The following ARHGAP6 variants were observed in gnomAD, a reference collection of about 807,000 sequenced individuals.
ARHGAP6 encodes rho GTPase-activating protein 6.
In ARHGAP6, 16 loss-of-function variants were observed where a neutral mutation model predicts 55.7. That is an observed-to-expected ratio of 0.29 (90% CI 0.19 to 0.44). The LOEUF is 0.44. Ranked by LOEUF, ARHGAP6 falls within the 20% of genes least tolerant of loss-of-function variation. ARHGAP6 has a pLI of 1.00. For missense variants in ARHGAP6, 698 were observed against 808.9 expected (o/e 0.86, Z 1.66); for synonymous variants, 382 against 360.9 (o/e 1.06, Z -0.66).
intron 1 of ARHGAP6, among the ~76,000 whole-genome samples, chrX:11,444,470 C>T (rs746854928): frequency 8.9e-6 from 1 of 112,170 alleles, no homozygotes; most frequent in South Asian, 3.7e-4. Flanking sequence ...AAAAAACTAT[C>T]GATATTGGAG....
intron 1 of ARHGAP6, among the ~76,000 whole-genome samples, chrX:11,400,123 G>T (rs1383999167): frequency 2.7e-5 from 3 of 111,921 alleles, no homozygotes; most frequent in African/African-American, 9.7e-5. Context: ...TTTATGAGGT[G>T]ATCAGGATGT....
At chrX:11,321,633 T>C (rs1394192210) in intron 1 of ARHGAP6, among the ~76,000 whole-genome samples, 1 of 111,649 alleles carries the variant, frequency 9.0e-6, no homozygotes, top group Non-Finnish European at 1.9e-5. Flanking sequence ...TTAAAAGAAG[T>C]TGTAACTGTC....
chrX:11,149,902 T>C lies in ARHGAP6; in HGVS notation c.1908-5654A>G, dbSNP rs547625225. ...TCAGACTAGTACAGATCTTCAACCA[T>C]GCTCTTGATACACTAGTCACCAGTT... is the stretch of plus-strand genomic sequence containing the variant. On this transcript the variant is annotated intron_variant, in intron 10 of 12. Transcript: ENST00000337414. Among the ~76,000 whole-genome samples the C allele has an allele frequency of 2.7e-5, 3 of 112,070 alleles. No individual in the cohort carries two copies. The South Asian group carries it at 1.1e-3, about 42-fold the overall frequency.
At position 11,161,311 on chromosome X, in the gene ARHGAP6, A is replaced by G. The variant is rs765563861; in HGVS notation, c.1810-4685T>C. Reference sequence around the variant, plus strand: ...AATTTAGGTACTTAATGGAGAAATAAAAGTCAAGTAAATAAACTGATAGGA... The same window carrying G: ...AATTTAGGTACTTAATGGAGAAATAGAAGTCAAGTAAATAAACTGATAGGA... On this transcript the variant is annotated intron_variant, in intron 9 of 12. Coordinates refer to ENST00000337414, the MANE Select transcript of ARHGAP6 (RefSeq NM_013427.3). Among the ~76,000 whole-genome samples, 452 of 112,343 alleles carry G rather than the reference A, an allele frequency of 4.0e-3. 5 individuals are homozygous for G. Among genetic ancestry groups the G allele is most frequent in the African/African-American group, 0.014 (432 of 30,927 alleles).
At chrX:11,280,109 G>A (rs778373990) in intron 1 of ARHGAP6, among the ~76,000 whole-genome samples, 16 of 111,754 alleles carry the variant, frequency 1.4e-4, no homozygotes, top group African/African-American at 5.2e-4. Context: ...AGCAAAGAAT[G>A]ATCCCACCCT....
At chrX:11,609,922 A>T (rs1437330817) in intron 1 of ARHGAP6, among the ~76,000 whole-genome samples, 2 of 111,915 alleles carry the variant, frequency 1.8e-5, no homozygotes, top group Non-Finnish European at 3.8e-5. Context: ...CTCTAGGTGT[A>T]TGCCTCCAGG....
At chrX:11,508,320 C>T (rs939597729) in intron 1 of ARHGAP6, among the ~76,000 whole-genome samples, 6 of 111,062 alleles carry the variant, frequency 5.4e-5, no homozygotes, top group Non-Finnish European at 1.1e-4. Flanking sequence ...CATCACCTGG[C>T]TAATTTTTAA....
chrX:11,486,343 C>T (rs771089926), intron 1 of ARHGAP6, among the ~76,000 whole-genome samples: 1 of 111,817 alleles, frequency 8.9e-6, no homozygotes, highest in African/African-American at 3.3e-5. Flanking sequence ...TATGTAGAAA[C>T]TTTAGCTCTC....
chrX:11,351,624 T>C, intron 1 of ARHGAP6: 2 of 742,366 alleles, frequency 2.7e-6, no homozygotes, highest in Non-Finnish European at 3.2e-6. Context: ...CCCATAAATG[T>C]TACAAAGAGT....
intron 1 of ARHGAP6, among the ~76,000 whole-genome samples, chrX:11,516,044 C>T (rs1182866278): frequency 8.9e-6 from 1 of 112,442 alleles, no homozygotes; most frequent in Non-Finnish European, 1.9e-5. Flanking sequence ...TGTCAATCTA[C>T]TGTGGCTACT....
At chrX:11,527,803 G>A (rs1311629794) in intron 1 of ARHGAP6, among the ~76,000 whole-genome samples, 1 of 111,814 alleles carries the variant, frequency 8.9e-6, no homozygotes, top group Non-Finnish European at 1.9e-5. Flanking sequence ...AATATTGCAT[G>A]GTTCTAGATG....
intron 1 of ARHGAP6, among the ~76,000 whole-genome samples, chrX:11,411,629 C>CA (rs1182061725): frequency 9.1e-6 from 1 of 109,947 alleles, no homozygotes; most frequent in Non-Finnish European, 1.9e-5. Context: ...GAACAACTAG[C>CA]AAAAAATAAA....
intron 2 of ARHGAP6, among the ~76,000 whole-genome samples, chrX:11,235,441 G>A (rs1333010426): frequency 9.0e-6 from 1 of 111,095 alleles, no homozygotes; most frequent in East Asian, 2.9e-4. Context: ...AGGGGCTGCC[G>A]TGCAGGTCTC....
chrX:11,402,176 A>T (rs964550210), intron 1 of ARHGAP6, among the ~76,000 whole-genome samples: 5 of 112,270 alleles, frequency 4.5e-5, no homozygotes, highest in African/African-American at 1.3e-4. Flanking sequence ...AACCCAAAGT[A>T]CAACATTGCA....
intron 1 of ARHGAP6, chrX:11,298,897 A>G (rs2048130882): frequency 5.0e-6 from 6 of 1,208,974 alleles, no homozygotes; most frequent in Non-Finnish European, 6.7e-6. Flanking sequence ...TTCCCCATGC[A>G]GCCCCTGCCT....
chrX:11,176,345 ATATATC>A, intron 8 of ARHGAP6, among the ~76,000 whole-genome samples: 1 of 56,700 alleles, frequency 1.8e-5, no homozygotes, highest in Non-Finnish European at 3.2e-5. Context: ...ATATATATAT[ATATATC>A]TCCCCTAGCA....
intron 1 of ARHGAP6, among the ~76,000 whole-genome samples, chrX:11,515,027 A>G (rs1483855622): frequency 1.8e-5 from 2 of 111,952 alleles, no homozygotes; most frequent in Non-Finnish European, 1.9e-5. Flanking sequence ...CAGAAAAACC[A>G]TAACTGACAA....
chrX:11,474,211 C>A (rs1203198580), intron 1 of ARHGAP6, among the ~76,000 whole-genome samples: 1 of 111,563 alleles, frequency 9.0e-6, no homozygotes, highest in Non-Finnish European at 1.9e-5. Flanking sequence ...AAGGTGTCAC[C>A]CTCACACCAC....
rs183438919 is a variant in ARHGAP6 at position 11,397,098 on chromosome X, A to T, written c.589-142391T>A. Among the ~76,000 whole-genome samples, 264 of 110,563 alleles carry T rather than the reference A, an allele frequency of 2.4e-3. 1 individual carries two copies. The highest frequency in any genetic ancestry group is 3.0e-3 in the Non-Finnish European group (158 of 52,796). The stretch of plus-strand genomic sequence containing the variant: ...CTGCCTGTAAGAACTGCGACAAGAA[A>T]CTCCTTTTGATGGAAGTTGCCCCCA... On this transcript the variant is annotated intron_variant, in intron 1 of 12. Coordinates refer to ENST00000337414, the MANE Select transcript of ARHGAP6 (RefSeq NM_013427.3).
Sources: allele counts gnomAD v4.1 joint callset (sites outside exome capture counted in the v4.1 genomes callset), GRCh38; gene constraint gnomAD v4.1.1; transcripts MANE v1.5; gene names NCBI Gene and HGNC (gene_info 2026-07-23, HGNC 2026-07-21).